The following CDH13 variants were observed in gnomAD, a reference collection of about 807,000 sequenced individuals.
CDH13 encodes the protein cadherin 13, also known as cadherin-13.
A neutral mutation model predicts 63.8 loss-of-function variants in CDH13; 24 were observed. The observed-to-expected ratio is 0.38, with a 90% CI of 0.27 to 0.53. The LOEUF (loss-of-function observed/expected upper bound fraction) is 0.53, where lower values mean the gene tolerates loss of function less well. Among genes scored for constraint, CDH13 ranks in the 20% least tolerant of loss-of-function variants. CDH13 has a pLI of 0.85. For synonymous variants in CDH13, 503 were observed against 355.3 expected, an observed-to-expected ratio of 1.42 and a Z score of -4.67; for missense variants, 1,049 against 903.1, an observed-to-expected ratio of 1.16 and a Z score of -2.07.
At chr16:83,053,930 C>A (rs538623361) in intron 3 of CDH13, among the ~76,000 whole-genome samples, 1 of 152,162 alleles carries the variant, frequency 6.6e-6, no homozygotes, top group Non-Finnish European at 1.5e-5. Context: ...ACGTTTTGGT[C>A]AATGACGGAC....
intron 5 of CDH13, among the ~76,000 whole-genome samples, chr16:83,306,775 C>T (rs2089890690): frequency 6.6e-6 from 1 of 151,982 alleles, no homozygotes; most frequent in Non-Finnish European, 1.5e-5. Context: ...TGGGTTGTAT[C>T]CCACAGAAAC....
At chr16:83,531,673 G>A (rs2075087183) in intron 7 of CDH13, among the ~76,000 whole-genome samples, 1 of 152,176 alleles carries the variant, frequency 6.6e-6, no homozygotes, top group South Asian at 2.1e-4. Context: ...GAGGGAGGAG[G>A]CAATGTGATG....
intron 9 of CDH13, among the ~76,000 whole-genome samples, 154 bp downstream of exon 9, chr16:83,671,126 G>T (rs957723337): frequency 1.2e-4 from 19 of 152,092 alleles, no homozygotes; most frequent in Non-Finnish European, 5.9e-5. Context: ...ATGGCTTAAG[G>T]GTGCACTCGT....
At chr16:83,696,347 C>T (rs902593193) in intron 10 of CDH13, among the ~76,000 whole-genome samples, 6 of 152,140 alleles carry the variant, frequency 3.9e-5, no homozygotes, top group Admixed American at 6.5e-5. Context: ...TCATGTGCAG[C>T]GGGCCCATTT....
chr16:83,227,147 T>C (rs1202266915), intron 5 of CDH13, among the ~76,000 whole-genome samples: 1 of 152,160 alleles, frequency 6.6e-6, no homozygotes, highest in East Asian at 1.9e-4. Flanking sequence ...GCTAATTAAA[T>C]TGATCACAAA....
chr16:83,581,295 T>G (rs1270339418), intron 7 of CDH13, among the ~76,000 whole-genome samples: 1 of 152,326 alleles, frequency 6.6e-6, no homozygotes, highest in Admixed American at 6.5e-5. Context: ...ACAGCTACTC[T>G]TCCTTAAACA....
chr16:82,893,443 G>A (rs903781477), intron 2 of CDH13, among the ~76,000 whole-genome samples: 2 of 152,206 alleles, frequency 1.3e-5, no homozygotes, highest in Non-Finnish European at 2.9e-5. Context: ...CAACTAATGG[G>A]TTTCTAATCA....
At chr16:83,521,207 C>G (rs2074826562) in intron 7 of CDH13, among the ~76,000 whole-genome samples, 1 of 152,122 alleles carries the variant, frequency 6.6e-6, no homozygotes, top group East Asian at 1.9e-4. Flanking sequence ...CGTGTTAGCT[C>G]TCAGTAATTA....
chr16:83,325,353 G>T (rs939911848), intron 5 of CDH13, among the ~76,000 whole-genome samples: 11 of 152,092 alleles, frequency 7.2e-5, no homozygotes, highest in South Asian at 2.1e-4. Context: ...TGCCACGTTG[G>T]GTTTGAAATC....
intron 8 of CDH13, among the ~76,000 whole-genome samples, chr16:83,660,429 T>TA (rs935294990): frequency 1.3e-5 from 2 of 152,162 alleles, no homozygotes; most frequent in African/African-American, 4.8e-5. Context: ...TATGAGAATC[T>TA]AATGCCACCA....
rs1037659745 is a variant in CDH13, at chr16:82,644,931, A to G, written c.45+17794A>G. Among the ~76,000 whole-genome samples, 1 of 152,228 alleles carries G rather than the reference A, an allele frequency of 6.6e-6. No homozygotes were observed. The highest frequency in any genetic ancestry group is 2.4e-5 in the African/African-American group (1 of 41,462). On this transcript the variant is annotated intron_variant, in intron 1 of 13. Coordinates refer to ENST00000567109, the MANE Select transcript of CDH13 (RefSeq NM_001257.5). The surrounding 1 kb of genome is among the most constrained non-coding windows in gnomAD (Gnocchi z 5.7). ...AAAAAATTAGGGGAATCAAAAAATT[A>G]CTTGTATAAACTAATATTTTGGAAA...
chr16:82,884,276 G>T (rs1028056844), intron 2 of CDH13: 1 of 450,744 alleles, frequency 2.2e-6, no homozygotes, highest in African/African-American at 2.0e-5. Context: ...TATAAGATGG[G>T]TTTGTCAGTC....
intron 2 of CDH13, among the ~76,000 whole-genome samples, chr16:82,874,633 G>A (rs1183847713): frequency 2.0e-5 from 3 of 152,194 alleles, no homozygotes; most frequent in Non-Finnish European, 4.4e-5. Context: ...TTCCATAGAG[G>A]AAGGGGGGAT....
At chr16:83,442,738 A>G (rs2151497365) in intron 6 of CDH13, among the ~76,000 whole-genome samples, 1 of 152,382 alleles carries the variant, frequency 6.6e-6, no homozygotes, top group South Asian at 2.1e-4. Flanking sequence ...CAGTGATATC[A>G]GAATGTTACC....
intron 5 of CDH13, among the ~76,000 whole-genome samples, chr16:83,295,267 A>G (rs541108707): frequency 6.6e-6 from 1 of 152,300 alleles, no homozygotes; most frequent in South Asian, 2.1e-4. Flanking sequence ...ACTTGAAACT[A>G]TGAAACAACT....
intron 1 of CDH13, among the ~76,000 whole-genome samples, chr16:82,817,877 A>G (rs2037800771): frequency 6.6e-6 from 1 of 152,226 alleles, no homozygotes; most frequent in Non-Finnish European, 1.5e-5. Flanking sequence ...ACCTATACAT[A>G]TACATCTATG....
At chr16:83,426,874 C>T (rs1468206716) in intron 6 of CDH13, among the ~76,000 whole-genome samples, 1 of 143,712 alleles carries the variant, frequency 7.0e-6, no homozygotes, top group African/African-American at 2.6e-5. Flanking sequence ...ATGACTTTGT[C>T]CTAATTCTCA....
At chr16:82,707,053 G>A (rs1304883458) in intron 1 of CDH13, among the ~76,000 whole-genome samples, 4 of 152,224 alleles carry the variant, frequency 2.6e-5, no homozygotes, top group African/African-American at 7.2e-5. Context: ...TGGAGGACAA[G>A]GCGTGGACCA....
intron 2 of CDH13, among the ~76,000 whole-genome samples, chr16:82,872,895 A>C (rs775656592): frequency 3.3e-5 from 5 of 152,246 alleles, no homozygotes; most frequent in Non-Finnish European, 7.3e-5. Flanking sequence ...GCTTTGAATC[A>C]GATAAAAAAT....
Sources: allele counts gnomAD v4.1 joint callset (sites outside exome capture counted in the v4.1 genomes callset), GRCh38; gene constraint gnomAD v4.1.1; non-coding constraint Gnocchi (gnomAD v3.1); transcripts MANE v1.5; gene names NCBI Gene and HGNC (gene_info 2026-07-23, HGNC 2026-07-21).